TMEM150C: variants seen among roughly 807,000 people sequenced by gnomAD.
The protein encoded by TMEM150C is transmembrane protein 150C.
In TMEM150C, 10 loss-of-function variants were observed where a neutral mutation model predicts 29.9. That is an observed-to-expected ratio of 0.33 (90% CI 0.21 to 0.57). The LOEUF (loss-of-function observed/expected upper bound fraction) is 0.57, where lower values mean the gene tolerates loss of function less well. Among genes scored for constraint, TMEM150C ranks in the 20% least tolerant of loss-of-function variants. The pLI, the probability that TMEM150C is intolerant of heterozygous loss-of-function variation, is 0.88. For missense variants in TMEM150C, 251 were observed against 303.6 expected (o/e 0.83, Z 1.29); for synonymous variants, 101 against 112.5 (o/e 0.90, Z 0.64).
chr4:82,533,306 CT>C (rs60891629), intron 1 of TMEM150C, among the ~76,000 whole-genome samples: 2 of 152,166 alleles, frequency 1.3e-5, no homozygotes, highest in Non-Finnish European at 2.9e-5. Context: ...CAGTTGCAAA[CT>C]TTTAGAGAAA....
intron 1 of TMEM150C, among the ~76,000 whole-genome samples, chr4:82,506,888 A>G (rs1723938294): frequency 6.6e-6 from 1 of 152,228 alleles, no homozygotes; most frequent in Non-Finnish European, 1.5e-5. Flanking sequence ...AGGTCTGCCA[A>G]TGAAACAGGG....
intron 6 of TMEM150C, 139 bp from the exon 7 acceptor site, chr4:82,490,377 C>T: frequency 5.2e-6 from 4 of 767,424 alleles, no homozygotes; most frequent in Non-Finnish European, 8.6e-6. Context: ...GAAAGATTAG[C>T]TCTTCGTTCT....
chr4:82,499,323 T>G (rs1723653953), intron 5 of TMEM150C, among the ~76,000 whole-genome samples: 1 of 152,226 alleles, frequency 6.6e-6, no homozygotes, highest in East Asian at 1.9e-4. Context: ...CACTAACAGT[T>G]TCAGAAAAGA....
At chr4:82,545,793 G>A (rs1003039195) in intron 1 of TMEM150C, among the ~76,000 whole-genome samples, 1 of 152,072 alleles carries the variant, frequency 6.6e-6, no homozygotes, top group Non-Finnish European at 1.5e-5. Flanking sequence ...AGCTGGACAT[G>A]GTGGTGCACA....
chr4:82,524,685 A>C (rs935152717), intron 1 of TMEM150C, among the ~76,000 whole-genome samples: 1 of 152,252 alleles, frequency 6.6e-6, no homozygotes, highest in Non-Finnish European at 1.5e-5. Flanking sequence ...GGCAGACTCT[A>C]ACCTGAAGGC....
chr4:82,525,983 C>T (rs556263171), intron 1 of TMEM150C, among the ~76,000 whole-genome samples: 43 of 152,340 alleles, frequency 2.8e-4, no homozygotes, highest in Non-Finnish European at 5.3e-4. Flanking sequence ...TGGCTCACAG[C>T]AGCCTCCACC....
At chr4:82,490,634 C>T (rs566045124) in intron 6 of TMEM150C, among the ~76,000 whole-genome samples, 33 of 152,206 alleles carry the variant, frequency 2.2e-4, no homozygotes, top group Non-Finnish European at 3.8e-4. Flanking sequence ...GGTCTTTACT[C>T]TGTCTCCCAG....
chr4:82,532,890 G>A (rs937840162), intron 1 of TMEM150C, among the ~76,000 whole-genome samples: 14 of 151,938 alleles, frequency 9.2e-5, no homozygotes, highest in South Asian at 2.1e-4. Flanking sequence ...CACCACGCCC[G>A]GCTAATTTTT....
intron 1 of TMEM150C, among the ~76,000 whole-genome samples, chr4:82,523,990 C>A (rs1428848699): frequency 6.6e-6 from 1 of 151,168 alleles, no homozygotes; most frequent in Non-Finnish European, 1.5e-5. Context: ...CCTCAAATAA[C>A]CTACTTTATT....
At chr4:82,526,613 A>G (rs1322555271) in intron 1 of TMEM150C, among the ~76,000 whole-genome samples, 1 of 152,126 alleles carries the variant, frequency 6.6e-6, no homozygotes, top group Non-Finnish European at 1.5e-5. Flanking sequence ...AGGCCTACAG[A>G]GGTTTAATAT....
Position 82,489,100 on chromosome 4 carries a change from C to A in TMEM150C, c.541+961G>T, listed in dbSNP as rs186069619. Among the ~76,000 whole-genome samples the A allele has an allele frequency of 3.1e-3, 461 of 149,192 alleles. 3 individuals are homozygous for A. Among genetic ancestry groups the A allele is most frequent in the African/African-American group, 0.011 (442 of 40,354 alleles). On this transcript the variant is annotated intron_variant, in intron 7 of 7. Coordinates refer to ENST00000449862, the MANE Select transcript of TMEM150C (RefSeq NM_001080506.3). ...TTTTTTTTGTAGAGACAGGGTCTCCCTTTGTTGTCCAGGTGGATCTTGAGC... is the reference window on the plus strand; with the variant it reads ...TTTTTTTTGTAGAGACAGGGTCTCCATTTGTTGTCCAGGTGGATCTTGAGC...
At chr4:82,539,312 G>C (rs1168264382) in intron 1 of TMEM150C, among the ~76,000 whole-genome samples, 1 of 152,046 alleles carries the variant, frequency 6.6e-6, no homozygotes, top group Non-Finnish European at 1.5e-5. Context: ...TACCAATTCA[G>C]TAAGATGAGA....
At chr4:82,495,430 G>A (rs1402170702) in intron 6 of TMEM150C, 18 of 314,142 alleles carry the variant, frequency 5.7e-5, no homozygotes, top group Non-Finnish European at 9.7e-5. Context: ...GACAGAGCGA[G>A]ACTCCGTCTC....
intron 5 of TMEM150C, among the ~76,000 whole-genome samples, chr4:82,496,548 T>A (rs1343569620): frequency 6.6e-6 from 1 of 151,714 alleles, no homozygotes; most frequent in Non-Finnish European, 1.5e-5. Flanking sequence ...GTTCTCAGAG[T>A]TTTCAAAAAC....
At chr4:82,558,676 A>C (rs1725818780) in intron 1 of TMEM150C, among the ~76,000 whole-genome samples, 1 of 152,238 alleles carries the variant, frequency 6.6e-6, no homozygotes, top group Non-Finnish European at 1.5e-5. Context: ...GATAACAATA[A>C]CTTAAAGTTC....
At chr4:82,550,217 A>T (rs752770857) in intron 1 of TMEM150C, among the ~76,000 whole-genome samples, 1 of 152,268 alleles carries the variant, frequency 6.6e-6, no homozygotes, top group Middle Eastern at 3.4e-3. Context: ...AGTGTTTAAC[A>T]GTTCCACCTT....
At chr4:82,551,253 G>A (rs1228658065) in intron 1 of TMEM150C, among the ~76,000 whole-genome samples, 1 of 152,112 alleles carries the variant, frequency 6.6e-6, no homozygotes, top group Non-Finnish European at 1.5e-5. Flanking sequence ...TCTTTACCAT[G>A]ATTTTTTTTC....
In TMEM150C at chr4:82,485,215, A is replaced by C; in HGVS notation, c.*296T>G. On this transcript the variant is annotated 3_prime_UTR_variant, in exon 8 of 8. Coordinates refer to ENST00000449862, the MANE Select transcript of TMEM150C (RefSeq NM_001080506.3). ...TAGGGTGCTTGAGACATGTGGAGAG[A>C]ATGGGAAGAGGAGGGAGTGCTGGGA... 1 of 327,584 alleles carries C rather than the reference A, an allele frequency of 3.1e-6. No individual in the cohort carries two copies. Among genetic ancestry groups the C allele is most frequent in the Non-Finnish European group, 5.8e-6 (1 of 173,562 alleles). The allele number at this position is 327,584 out of a possible 1,614,324, so 20.3% of individuals were successfully genotyped here.
intron 1 of TMEM150C, among the ~76,000 whole-genome samples, chr4:82,524,184 C>T (rs1724580380): frequency 6.6e-6 from 1 of 151,526 alleles, no homozygotes; most frequent in African/African-American, 2.4e-5. Flanking sequence ...AGGAGAATGG[C>T]GTGAACCCGG....
Sources: gnomAD v4.1 joint callset for allele counts (sites outside exome capture counted in the v4.1 genomes callset) on GRCh38, gnomAD v4.1.1 for gene constraint, MANE v1.5 for transcripts, NCBI Gene and HGNC (gene_info 2026-07-23, HGNC 2026-07-21) for gene names.